The following SIPA1L1 variants were observed in gnomAD, a reference collection of about 807,000 sequenced individuals.
SIPA1L1 encodes signal-induced proliferation-associated 1-like protein 1.
In SIPA1L1, 26 loss-of-function variants were observed where a neutral mutation model predicts 162.7. The observed-to-expected ratio is 0.16, with a 90% CI of 0.12 to 0.22. SIPA1L1 has a LOEUF of 0.22. SIPA1L1 is among the 10% of genes least tolerant of loss of function. SIPA1L1 has a pLI of 1.00. For missense variants in SIPA1L1, 1,874 were observed against 2,241.0 expected, an observed-to-expected ratio of 0.84 and a Z score of 3.31; for synonymous variants, 829 against 837.4, an observed-to-expected ratio of 0.99 and a Z score of 0.17.
At chr14:71,709,200 A>C in intron 16 of SIPA1L1, 22 bp from the exon 17 acceptor site, 1 of 1,585,920 alleles carries the variant, frequency 6.3e-7, no homozygotes, top group Non-Finnish European at 8.6e-7. Context: ...TTGCACTCAA[A>C]TAAATTCTGC....
At chr14:71,728,878 C>A (rs576660277) in intron 19 of SIPA1L1, among the ~76,000 whole-genome samples, 5 of 152,264 alleles carry the variant, frequency 3.3e-5, no homozygotes, top group African/African-American at 1.2e-4. Context: ...ATCTGCTGTT[C>A]TCAGTGAAGA....
intron 7 of SIPA1L1, among the ~76,000 whole-genome samples, chr14:71,637,048 C>CT (rs1176807449): frequency 4.6e-4 from 60 of 129,572 alleles, no homozygotes; most frequent in Admixed American, 1.8e-3. Context: ...GAGACTCCAT[C>CT]TTTAAAAAAA....
intron 2 of SIPA1L1, among the ~76,000 whole-genome samples, chr14:71,416,839 C>A (rs1595351157): frequency 6.6e-6 from 1 of 151,874 alleles, no homozygotes; most frequent in East Asian, 1.9e-4. Context: ...ATTTTTTGAG[C>A]AGCATTATTC....
At chr14:71,557,093 A>G (rs2056416780) in intron 4 of SIPA1L1, among the ~76,000 whole-genome samples, 3 of 152,200 alleles carry the variant, frequency 2.0e-5, no homozygotes, top group Admixed American at 6.5e-5. Context: ...CAATATAGCT[A>G]TCATAACACC....
At chr14:71,506,671 G>A (rs2050695878) in intron 2 of SIPA1L1, among the ~76,000 whole-genome samples, 2 of 151,974 alleles carry the variant, frequency 1.3e-5, no homozygotes. Flanking sequence ...TGCTAATTTA[G>A]TAGTTGTACA....
At chr14:71,350,931 A>G (rs1304123349) in intron 2 of SIPA1L1, among the ~76,000 whole-genome samples, 3 of 152,222 alleles carry the variant, frequency 2.0e-5, no homozygotes, top group African/African-American at 7.2e-5. Context: ...ATGGATCTGC[A>G]CAAGCTGGAA....
At chr14:71,345,722 C>T (rs2036092893) in intron 2 of SIPA1L1, among the ~76,000 whole-genome samples, 1 of 151,620 alleles carries the variant, frequency 6.6e-6, no homozygotes. Context: ...CGCCCGCCAT[C>T]ACTCCCGGCT....
chr14:71,603,941 C>A lies in SIPA1L1; in HGVS notation c.1498+14571C>A, dbSNP rs933329250. On this transcript the variant is annotated intron_variant, in intron 5 of 23. Transcript: ENST00000381232. The stretch of plus-strand genomic sequence containing the variant: ...TATAAATATATATATATTTATATAT[C>A]TATATATATTTATATATATTTATAT... Among the ~76,000 whole-genome samples the A allele has an allele frequency of 1.9e-3, 263 of 138,056 alleles. 2 individuals are homozygous for A. Among genetic ancestry groups the A allele is most frequent in the Non-Finnish European group, 3.1e-3 (194 of 63,476 alleles). The allele number at this position is 138,056 out of a possible 152,430, so 90.6% of individuals were successfully genotyped here.
At chr14:71,673,117 G>A (rs1209200701) in intron 12 of SIPA1L1, among the ~76,000 whole-genome samples, 2 of 152,112 alleles carry the variant, frequency 1.3e-5, no homozygotes, top group Non-Finnish European at 2.9e-5. Context: ...CATGTGCTAG[G>A]GTTTGGCTTC....
intron 2 of SIPA1L1, among the ~76,000 whole-genome samples, chr14:71,458,541 C>T (rs774292610): frequency 1.2e-4 from 18 of 151,944 alleles, no homozygotes; most frequent in Non-Finnish European, 2.6e-4. Flanking sequence ...AACAAGGCTG[C>T]GACTTTGGTG....
At chr14:71,495,500 T>C (rs1480275333) in intron 2 of SIPA1L1, among the ~76,000 whole-genome samples, 2 of 151,608 alleles carry the variant, frequency 1.3e-5, no homozygotes, top group Non-Finnish European at 2.9e-5. Context: ...CTGATTTTGG[T>C]AATTTTGGGG....
At chr14:71,573,273 A>G (rs902415852) in intron 4 of SIPA1L1, among the ~76,000 whole-genome samples, 1 of 152,250 alleles carries the variant, frequency 6.6e-6, no homozygotes, top group Non-Finnish European at 1.5e-5. Context: ...GACAATTATT[A>G]CAGATTGTAA....
chr14:71,331,835 G>A (rs2034579066), intron 2 of SIPA1L1, among the ~76,000 whole-genome samples: 1 of 152,038 alleles, frequency 6.6e-6, no homozygotes, highest in African/African-American at 2.4e-5. Flanking sequence ...TATTTTGGAT[G>A]TGTTAAAAAA....
intron 2 of SIPA1L1, among the ~76,000 whole-genome samples, chr14:71,351,222 A>C (rs2036671563): frequency 6.6e-6 from 1 of 152,166 alleles, no homozygotes; most frequent in South Asian, 2.1e-4. Context: ...CTAAAATTTC[A>C]TGGGAGAGGG....
At chr14:71,508,029 G>T (rs951553492) in intron 2 of SIPA1L1, among the ~76,000 whole-genome samples, 5 of 152,202 alleles carry the variant, frequency 3.3e-5, no homozygotes, top group African/African-American at 4.8e-5. Flanking sequence ...TAAGCTCAAG[G>T]TGAGGAAGAC....
intron 4 of SIPA1L1, among the ~76,000 whole-genome samples, chr14:71,548,408 T>C (rs1467547613): frequency 6.6e-6 from 1 of 152,218 alleles, no homozygotes; most frequent in Non-Finnish European, 1.5e-5. Context: ...TTTTTATTTA[T>C]ATCCTTGTGG....
chr14:71,672,515 G>C lies in SIPA1L1; in HGVS notation c.2997G>C (p.Lys999Asn). ...RQGSRLVEIC[K>N]VAVATLSHEQ... ...GCAGTCGCCTGGTGGAGATCTGCAA[G>C]GTGGCGGTAGCCACTCTGAGCCATG... Residue 999 changes from lysine (K) to asparagine (N), a missense_variant, in exon 12 of 24, where the codon AAG becomes AAC. By Grantham distance (94) the Lys-to-Asn change is moderately conservative. Transcript: ENST00000381232. The C allele has an allele frequency of 6.2e-7, 1 of 1,614,144 alleles. No individual in the cohort carries two copies. The highest frequency in any genetic ancestry group is 8.5e-7 in the Non-Finnish European group (1 of 1,180,010).
At chr14:71,371,291 A>G (rs529170404) in intron 2 of SIPA1L1, among the ~76,000 whole-genome samples, 11 of 152,296 alleles carry the variant, frequency 7.2e-5, no homozygotes, top group East Asian at 1.9e-4. Flanking sequence ...GATAAGGACA[A>G]TATTTCTGTA....
intron 2 of SIPA1L1, among the ~76,000 whole-genome samples, chr14:71,358,856 T>G (rs1196077067): frequency 1.3e-5 from 2 of 152,044 alleles, no homozygotes; most frequent in Admixed American, 1.3e-4. Context: ...TATACACTTT[T>G]AGATAACCAG....
Sources: gnomAD v4.1 joint callset for allele counts (sites outside exome capture counted in the v4.1 genomes callset) on GRCh38, gnomAD v4.1.1 for gene constraint, MANE v1.5 for transcripts, NCBI Gene and HGNC (gene_info 2026-07-23, HGNC 2026-07-21) for gene names.